ARHGEF4: variants seen among roughly 807,000 people sequenced by gnomAD.
The protein encoded by ARHGEF4 is APC-stimulated guanine nucleotide exchange factor 1.
In ARHGEF4, 119 loss-of-function variants were observed where a neutral mutation model predicts 162.0. The observed-to-expected ratio is 0.73, with a 90% CI of 0.63 to 0.86. The LOEUF (loss-of-function observed/expected upper bound fraction) is 0.86, where lower values mean the gene tolerates loss of function less well. Among genes scored for constraint, ARHGEF4 ranks in the 40% least tolerant of loss-of-function variants. The pLI, the probability that ARHGEF4 is intolerant of heterozygous loss-of-function variation, is 0.00. For missense variants in ARHGEF4, 2,488 were observed against 2,456.0 expected, an observed-to-expected ratio of 1.01 and a Z score of -0.28; for synonymous variants, 1,014 against 979.9, an observed-to-expected ratio of 1.03 and a Z score of -0.65.
chr2:130,986,859 G>A (rs543789313), intron 4 of ARHGEF4, among the ~76,000 whole-genome samples: 1 of 152,328 alleles, frequency 6.6e-6, no homozygotes, highest in Non-Finnish European at 1.5e-5. Flanking sequence ...ACATTAGCAG[G>A]CTCTGAAGCT....
At chr2:130,959,133 G>T (rs553360459) in intron 4 of ARHGEF4, among the ~76,000 whole-genome samples, 1 of 151,912 alleles carries the variant, frequency 6.6e-6, no homozygotes, top group African/African-American at 2.4e-5. Flanking sequence ...GTAGAGATGG[G>T]GTTTCTCCAT....
chr2:131,027,624 T>C (rs1432922494), intron 4 of ARHGEF4, among the ~76,000 whole-genome samples: 2 of 152,196 alleles, frequency 1.3e-5, no homozygotes, highest in African/African-American at 4.8e-5. Flanking sequence ...GCCAACACAA[T>C]GGAAAATGGT....
Position 131,028,029 on chromosome 2 carries a change from C to G in ARHGEF4, c.4070C>G (p.Ser1357Cys). Reference protein sequence around the residue: ...EEDLYDDLHSSSHHYSHPGGG... With the variant: ...EEDLYDDLHSCSHHYSHPGGG... ...GACCTGTATGATGACCTGCACAGCTCCAGCCACCACTACAGCCACCCTGGA... is the reference window on the plus strand; with the variant it reads ...GACCTGTATGATGACCTGCACAGCTGCAGCCACCACTACAGCCACCCTGGA... Residue 1357 changes from serine to cysteine, a missense_variant, in exon 5 of 14, where the codon TCC (serine) becomes TGC (cysteine). Ser to Cys is a moderately radical substitution (Grantham distance 112, BLOSUM62 -1). Transcript: ENST00000409359. 1.9e-6 allele frequency: 3 copies of G among 1,613,970 alleles called. No individual in the cohort carries two copies. Among genetic ancestry groups the G allele is most frequent in the Non-Finnish European group, 2.5e-6 (3 of 1,180,012 alleles).
rs564628434 is a variant in ARHGEF4 at position 130,934,028 on chromosome 2, T to G, written c.3858+2771T>G. On this transcript the variant is annotated intron_variant, in intron 3 of 13. Coordinates refer to ENST00000409359, the MANE Select transcript of ARHGEF4 (RefSeq NM_001367493.1). ...GGTTTTAGGATTAAAGCTTTCAGTC[T>G]TTCACTATTGTGTATGATGTTAGCT... Among the ~76,000 whole-genome samples, 10 of 152,352 alleles carry G rather than the reference T, an allele frequency of 6.6e-5. No individual in the cohort carries two copies. The South Asian group carries it at 2.1e-3, about 32-fold the overall frequency.
At chr2:131,032,558 A>C (rs111690708) in intron 5 of ARHGEF4, among the ~76,000 whole-genome samples, 1 of 151,970 alleles carries the variant, frequency 6.6e-6, no homozygotes, top group Non-Finnish European at 1.5e-5. Context: ...GGGCAGGAGC[A>C]GCTCACAGTC....
chr2:130,988,886 A>G lies in ARHGEF4; in HGVS notation c.3986-39059A>G, dbSNP rs866199421. Among the ~76,000 whole-genome samples the G allele has an allele frequency of 5.1e-3, 575 of 112,706 alleles. 4 individuals carry two copies. Among genetic ancestry groups the G allele is most frequent in the East Asian group, 0.017 (57 of 3,322 alleles). The allele number at this position is 112,706 out of a possible 152,430, so 73.9% of individuals were successfully genotyped here. A position where few individuals can be genotyped will look rare whatever the true frequency, so the allele number is the denominator to read the frequency against. ...TGTGTGTGTGTGTATATATATATAT[A>G]TATATATATATATATAGAGAGAGAG... On this transcript the variant is annotated intron_variant, in intron 4 of 13. Coordinates refer to ENST00000409359, the MANE Select transcript of ARHGEF4 (RefSeq NM_001367493.1).
At chr2:130,963,092 ACTC>A (rs1684732255) in intron 4 of ARHGEF4, among the ~76,000 whole-genome samples, 2 of 151,658 alleles carry the variant, frequency 1.3e-5, no homozygotes, top group South Asian at 2.1e-4. Flanking sequence ...AAAAAATAAA[ACTC>A]CTGGCTCCTT....
chr2:131,035,665 C>T, intron 5 of ARHGEF4: 1 of 988,156 alleles, frequency 1.0e-6, no homozygotes, highest in Non-Finnish European at 1.2e-6. Flanking sequence ...CCCCGGGCAC[C>T]GCTGCGCATG....
At chr2:130,933,159 G>A (rs1234411317) in intron 3 of ARHGEF4, among the ~76,000 whole-genome samples, 2 of 151,654 alleles carry the variant, frequency 1.3e-5, no homozygotes, top group Non-Finnish European at 2.9e-5. Context: ...AGGTCACAGT[G>A]AGCCAAGACT....
chr2:130,852,210 G>A (rs1311888995), intron 1 of ARHGEF4, among the ~76,000 whole-genome samples: 1 of 152,220 alleles, frequency 6.6e-6, no homozygotes, highest in African/African-American at 2.4e-5. Flanking sequence ...GGGTCTAGTG[G>A]TGGAGACAGG....
In ARHGEF4 at chr2:131,034,886, G is replaced by GCCGCCC. The variant is rs1236809234; in HGVS notation, c.4126-3960_4126-3955dup. The GCCGCCC allele has an allele frequency of 1.8e-4, 141 of 766,558 alleles. 1 individual carries two copies. In the Middle Eastern group the frequency reaches 2.7e-3, roughly 14 times the overall value. The allele number at this position is 766,558 out of a possible 1,614,324, so 47.5% of individuals were successfully genotyped here. ...TGAGCCTCTCCAGCCCGCCGCCGCC[G>GCCGCCC]CCGCCCCCGCCCGCACAGCCGGCTT... is the stretch of plus-strand genomic sequence containing the variant. On this transcript the variant is annotated intron_variant, in intron 5 of 13. Coordinates refer to ENST00000409359, the MANE Select transcript of ARHGEF4 (RefSeq NM_001367493.1).
At chr2:130,870,781 G>A (rs34469492) in intron 1 of ARHGEF4, among the ~76,000 whole-genome samples, 1 of 151,982 alleles carries the variant, frequency 6.6e-6, no homozygotes, top group Non-Finnish European at 1.5e-5. Context: ...GTCACCCAGC[G>A]AGACATGGGG....
intron 4 of ARHGEF4, among the ~76,000 whole-genome samples, chr2:130,953,577 G>A (rs1057134149): frequency 5.9e-5 from 9 of 152,162 alleles, no homozygotes; most frequent in Non-Finnish European, 1.3e-4. Flanking sequence ...AAACTAAAGA[G>A]CTTCTGCACA....
chr2:130,839,089 C>T (rs1680420084), intron 1 of ARHGEF4, among the ~76,000 whole-genome samples: 1 of 152,192 alleles, frequency 6.6e-6, no homozygotes, highest in Non-Finnish European at 1.5e-5. Context: ...CTCAGAGGGT[C>T]TCCTTTCTGC....
intron 4 of ARHGEF4, chr2:130,964,331 C>G: frequency 1.2e-6 from 1 of 844,670 alleles, no homozygotes; most frequent in Non-Finnish European, 1.4e-6. Context: ...CCCCTCCTGC[C>G]TTTCCTTCTC....
rs772683275 is a variant in ARHGEF4, at chr2:130,915,217, TG to T, written c.1276del (p.Glu426LysfsTer4). On this transcript the variant is annotated frameshift_variant, in exon 2 of 14. Transcript: ENST00000409359. LOFTEE classifies it high-confidence loss of function. ...CAGGACACTCCTTCTGCAGGTCTCC[TG>T]GGGGAAAACCAGTTAAGACAGGATT... ...ASQDTPSAGLLGENQLRQDSR... is the reference protein window; with the variant it reads ...ASQDTPSAGLXGENQLRQDSR... 6.4e-7 allele frequency: 1 copy of T among 1,550,574 alleles called. No homozygotes were observed. Among genetic ancestry groups the T allele is most frequent in the South Asian group, 1.2e-5 (1 of 84,054 alleles).
Position 130,914,807 on chromosome 2 carries a change from G to C in ARHGEF4, c.861G>C (p.Gln287His), listed in dbSNP as rs1681388555. ...PAGDTELLWS[Q>H]PHSDVPCQPP... is the part of the protein sequence containing the mutation. The stretch of plus-strand genomic sequence containing the variant: ...GGGACACAGAATTGCTCTGGTCCCA[G>C]CCCCACTCGGATGTCCCCTGCCAGC... Residue 287 changes from glutamine to histidine, a missense_variant, in exon 2 of 14, where the codon CAG becomes CAC. Around this residue, in one of 6 missense-constraint regions of ARHGEF4, gnomAD observed 1,642 missense variants for 1,481.5 expected, o/e 1.11. Coordinates refer to ENST00000409359, the MANE Select transcript of ARHGEF4 (RefSeq NM_001367493.1). The C allele has an allele frequency of 6.9e-7, 1 of 1,449,040 alleles. No individual in the cohort carries two copies. Among genetic ancestry groups the C allele is most frequent in the Admixed American group, 2.8e-5 (1 of 35,958 alleles). 89.8% of individuals were successfully genotyped at this position (1,449,040 alleles called of 1,614,324 possible).
In ARHGEF4 at chr2:130,915,984, A is replaced by T; in HGVS notation, c.2038A>T (p.Arg680Trp). Reference sequence around the variant, plus strand: ...CGAGACCCCCTGTGAGTCTCCCACTAGGGGGAAAACACCAGCCGGTAATGA... The same window carrying T: ...CGAGACCCCCTGTGAGTCTCCCACTTGGGGGAAAACACCAGCCGGTAATGA... The part of the protein sequence containing the change: ...TGETPCESPT[R>W]GKTPAGNECE... The change falls in exon 2 of 14, where the codon AGG (arginine) becomes TGG (tryptophan). Residue 680 changes from arginine to tryptophan, a missense_variant. This residue lies in a region of ARHGEF4 where 1,642 missense variants were observed against 1,481.5 expected (regional missense o/e 1.11). Coordinates refer to ENST00000409359, the MANE Select transcript of ARHGEF4 (RefSeq NM_001367493.1). The T allele has an allele frequency of 1.9e-6, 3 of 1,550,470 alleles. No individual in the cohort carries two copies. Among genetic ancestry groups the T allele is most frequent in the Non-Finnish European group, 2.6e-6 (3 of 1,146,950 alleles).
At position 130,914,709 on chromosome 2, in the gene ARHGEF4, A is replaced by C; in HGVS notation, c.763A>C (p.Ser255Arg). 2 of 1,407,832 alleles carry C rather than the reference A, an allele frequency of 1.4e-6. No homozygotes were observed. Among genetic ancestry groups the C allele is most frequent in the Non-Finnish European group, 1.8e-6 (2 of 1,087,542 alleles). 87.2% of individuals were successfully genotyped at this position (1,407,832 alleles called of 1,614,324 possible). ...CAGGGCCAGGGCACTGGTGCTACCT[A>C]GCAGAGGCCCACTGGACAACACAGC... ...HNRARALVLP[S>R]RGPLDNTAPL... The change falls in exon 2 of 14, where the codon AGC becomes CGC. Residue 255 changes from serine to arginine, a missense_variant. Ser to Arg is a moderately radical substitution (Grantham distance 110). Transcript: ENST00000409359.
Sources: gnomAD v4.1 joint callset for allele counts (sites outside exome capture counted in the v4.1 genomes callset) on GRCh38, gnomAD v4.1.1 for gene constraint, gnomAD v4.1.1 regional missense constraint, MANE v1.5 for transcripts, NCBI Gene and HGNC (gene_info 2026-07-23, HGNC 2026-07-21) for gene names.